ZNF385D: variants seen among roughly 807,000 people sequenced by gnomAD.
ZNF385D encodes zinc finger protein 659.
In ZNF385D, 15 loss-of-function variants were observed where a neutral mutation model predicts 35.8. The ratio of observed to expected loss-of-function variants is 0.42; its 90% CI spans 0.28 to 0.64. The LOEUF (loss-of-function observed/expected upper bound fraction) is 0.64, where lower values mean the gene tolerates loss of function less well. Ranked by LOEUF, ZNF385D falls within the 30% of genes least tolerant of loss-of-function variation. The probability of loss-of-function intolerance (pLI) is 0.23; values close to 1 mark genes in which losing one functional copy is unlikely to be tolerated. For synonymous variants in ZNF385D, 212 were observed against 186.8 expected, an observed-to-expected ratio of 1.13 and a Z score of -1.10; for missense variants, 474 against 494.6, an observed-to-expected ratio of 0.96 and a Z score of 0.39.
intron 3 of ZNF385D, among the ~76,000 whole-genome samples, chr3:21,835,969 G>GA (rs1298873832): frequency 6.6e-6 from 1 of 151,904 alleles, no homozygotes; most frequent in East Asian, 1.9e-4. Flanking sequence ...GAGTTGAGGT[G>GA]AGGAGTGAAT....
At chr3:21,463,183 C>T (rs1323868598) in intron 4 of ZNF385D, among the ~76,000 whole-genome samples, 1 of 145,808 alleles carries the variant, frequency 6.9e-6, no homozygotes, top group African/African-American at 2.5e-5. Flanking sequence ...TACAAAATTC[C>T]CAAAATAGAC....
chr3:21,656,579 A>T (rs2066078574), intron 2 of ZNF385D, among the ~76,000 whole-genome samples: 1 of 151,926 alleles, frequency 6.6e-6, no homozygotes, highest in African/African-American at 2.4e-5. Flanking sequence ...CAATGACCCT[A>T]TTTCCAATTA....
intron 3 of ZNF385D, among the ~76,000 whole-genome samples, chr3:21,772,094 C>T (rs75264498): frequency 0.044 from 6,677 of 151,850 alleles, 219 homozygotes; most frequent in African/African-American, 0.089. Flanking sequence ...GGATTAAAGG[C>T]TTAAATATAA....
chr3:22,142,029 A>G (rs987235394), intron 3 of ZNF385D, among the ~76,000 whole-genome samples: 1 of 152,222 alleles, frequency 6.6e-6, no homozygotes, highest in Non-Finnish European at 1.5e-5. Flanking sequence ...AGAAAGCATC[A>G]TCAGGTTGAC....
At chr3:21,544,817 C>G (rs2062314519) in intron 3 of ZNF385D, among the ~76,000 whole-genome samples, 1 of 152,000 alleles carries the variant, frequency 6.6e-6, no homozygotes, top group African/African-American at 2.4e-5. Flanking sequence ...TGTTTTAGAC[C>G]TCGAACATTT....
intron 4 of ZNF385D, among the ~76,000 whole-genome samples, chr3:21,448,595 A>C (rs1429593653): frequency 6.6e-6 from 1 of 152,162 alleles, no homozygotes; most frequent in Admixed American, 6.5e-5. Flanking sequence ...GAGAAATCAA[A>C]AGTCTACAGA....
intron 3 of ZNF385D, among the ~76,000 whole-genome samples, chr3:21,903,820 C>T (rs1699537322): frequency 6.6e-6 from 1 of 152,084 alleles, no homozygotes; most frequent in South Asian, 2.1e-4. Context: ...AGCAGAAAGA[C>T]TTTCCTGTGA....
chr3:21,660,226 T>C (rs2066196830), intron 2 of ZNF385D, among the ~76,000 whole-genome samples: 1 of 152,144 alleles, frequency 6.6e-6, no homozygotes, highest in South Asian at 2.1e-4. Flanking sequence ...TTTCATATGC[T>C]AATTTACATT....
chr3:21,440,088 G>C (rs1559449095), intron 4 of ZNF385D, among the ~76,000 whole-genome samples: 2 of 151,958 alleles, frequency 1.3e-5, no homozygotes, highest in South Asian at 4.2e-4. Flanking sequence ...AGTGATAAAG[G>C]GGTGTTTTTT....
intron 3 of ZNF385D, among the ~76,000 whole-genome samples, chr3:22,117,100 T>C (rs1702851392): frequency 6.6e-6 from 1 of 152,058 alleles, no homozygotes. Context: ...TGCCAGGCTT[T>C]AGGAGTTCCC....
chr3:22,149,411 A>G (rs756021004), intron 3 of ZNF385D, among the ~76,000 whole-genome samples: 4 of 152,164 alleles, frequency 2.6e-5, no homozygotes, highest in Non-Finnish European at 5.9e-5. Context: ...TGCTTCTGAT[A>G]TGTTATTTAC....
intron 2 of ZNF385D, among the ~76,000 whole-genome samples, chr3:22,170,080 C>G (rs1204845520): frequency 2.0e-5 from 3 of 152,218 alleles, no homozygotes; most frequent in Admixed American, 6.5e-5. Flanking sequence ...CCAAGCCTCT[C>G]TAGCACACTA....
chr3:22,233,770 C>G (rs1334817630), intron 2 of ZNF385D, among the ~76,000 whole-genome samples: 1 of 152,002 alleles, frequency 6.6e-6, no homozygotes, highest in Non-Finnish European at 1.5e-5. Context: ...AATTACCCAC[C>G]TACTTATTTG....
chr3:21,725,061 A>G (rs968101354), intron 1 of ZNF385D, among the ~76,000 whole-genome samples: 1 of 152,358 alleles, frequency 6.6e-6, no homozygotes, highest in African/African-American at 2.4e-5. Flanking sequence ...TGAAAACTGA[A>G]CAATGTGCTC....
At chr3:21,840,491 T>C (rs1695596821) in intron 3 of ZNF385D, among the ~76,000 whole-genome samples, 1 of 152,062 alleles carries the variant, frequency 6.6e-6, no homozygotes, top group African/African-American at 2.4e-5. Flanking sequence ...GCTCAACCTT[T>C]AGCAAACACA....
intron 3 of ZNF385D, among the ~76,000 whole-genome samples, chr3:22,030,279 A>ATATATATATATATATATATATATC (rs1697883708): frequency 9.1e-6 from 1 of 110,496 alleles, no homozygotes; most frequent in Non-Finnish European, 1.8e-5. Context: ...ATATATATAT[A>ATATATATATATATATATATATATC]TATATATATA....
At chr3:21,554,514 A>G (rs1222237407) in intron 3 of ZNF385D, among the ~76,000 whole-genome samples, 3 of 152,216 alleles carry the variant, frequency 2.0e-5, no homozygotes, top group Admixed American at 6.5e-5. Flanking sequence ...GTCAGTGAGC[A>G]CTAGCTTGAA....
chr3:22,102,551 A>C (rs1465988156), intron 3 of ZNF385D, among the ~76,000 whole-genome samples: 1 of 152,014 alleles, frequency 6.6e-6, no homozygotes, highest in Non-Finnish European at 1.5e-5. Context: ...AGTTCTGAGA[A>C]TCCCCCAGGA....
chr3:21,989,988 A>G (rs1005078710), intron 3 of ZNF385D, among the ~76,000 whole-genome samples: 1 of 152,138 alleles, frequency 6.6e-6, no homozygotes, highest in African/African-American at 2.4e-5. Flanking sequence ...ATTTCCACCT[A>G]TCTGTTTTAT....
Sources: gnomAD v4.1 joint callset for allele counts (sites outside exome capture counted in the v4.1 genomes callset) on GRCh38, gnomAD v4.1.1 for gene constraint, MANE v1.5 for transcripts, NCBI Gene and HGNC (gene_info 2026-07-23, HGNC 2026-07-21) for gene names.